GRID1: variants seen among roughly 807,000 people sequenced by gnomAD.
GRID1 encodes the protein glutamate ionotropic receptor delta type subunit 1, also known as glutamate receptor ionotropic, delta-1.
GRID1 carries 28 observed loss-of-function variants against 98.0 expected under a neutral mutation model. The ratio of observed to expected loss-of-function variants is 0.29; its 90% CI spans 0.21 to 0.39. The LOEUF (loss-of-function observed/expected upper bound fraction) is 0.39, where lower values mean the gene tolerates loss of function less well. Ranked by LOEUF, GRID1 falls within the 10% of genes least tolerant of loss-of-function variation. The pLI, the probability that GRID1 is intolerant of heterozygous loss-of-function variation, is 1.00. For missense variants in GRID1, 1,111 were observed against 1,340.5 expected, an observed-to-expected ratio of 0.83 and a Z score of 2.67; for synonymous variants, 553 against 538.5, an observed-to-expected ratio of 1.03 and a Z score of -0.37.
chr10:85,721,078 T>C (rs1028566649), intron 12 of GRID1, among the ~76,000 whole-genome samples: 1 of 151,776 alleles, frequency 6.6e-6, no homozygotes, highest in African/African-American at 2.4e-5. Context: ...ACATAGCAAA[T>C]AAGCACAAAA....
chr10:85,752,410 C>T (rs559020737), intron 8 of GRID1, among the ~76,000 whole-genome samples: 115 of 152,178 alleles, frequency 7.6e-4, no homozygotes, highest in African/African-American at 2.7e-3. Flanking sequence ...CACCAATATA[C>T]GACTGCTTAT....
At chr10:86,225,723 T>A (rs1161733298) in intron 2 of GRID1, among the ~76,000 whole-genome samples, 1 of 151,886 alleles carries the variant, frequency 6.6e-6, no homozygotes, top group Non-Finnish European at 1.5e-5. Flanking sequence ...AACTTAGAGG[T>A]CCCCCAGCTC....
chr10:85,945,725 C>A (rs2131840784), intron 4 of GRID1, among the ~76,000 whole-genome samples: 1 of 152,294 alleles, frequency 6.6e-6, no homozygotes, highest in Non-Finnish European at 1.5e-5. Context: ...TCATAGTTTT[C>A]ATAAGCACTT....
chr10:86,128,442 C>T (rs1844786353), intron 4 of GRID1, among the ~76,000 whole-genome samples: 1 of 152,180 alleles, frequency 6.6e-6, no homozygotes. Flanking sequence ...CAGCTCCTTT[C>T]CCCCAGGCTC....
In GRID1 at chr10:85,995,418, C is replaced by T. The variant is rs79955320; in HGVS notation, c.727-79179G>A. Among the ~76,000 whole-genome samples the T allele has an allele frequency of 6.5e-3, 988 of 152,210 alleles. 12 individuals carry two copies. Among genetic ancestry groups the T allele is most frequent in the African/African-American group, 0.022 (916 of 41,520 alleles). On this transcript the variant is annotated intron_variant, in intron 4 of 15. Transcript: ENST00000327946. ...TTAGGGGTGAGGAAGAGTTTCGGACCCCCACTCACATGACTCCATAAAAAC... is the reference window on the plus strand; with the variant it reads ...TTAGGGGTGAGGAAGAGTTTCGGACTCCCACTCACATGACTCCATAAAAAC...
chr10:86,188,525 C>T (rs1845756647), intron 3 of GRID1, among the ~76,000 whole-genome samples: 1 of 152,212 alleles, frequency 6.6e-6, no homozygotes, highest in South Asian at 2.1e-4. Context: ...AAGACCCACT[C>T]CCTGAGGAAT....
intron 4 of GRID1, among the ~76,000 whole-genome samples, chr10:86,071,737 G>A (rs1843807768): frequency 6.6e-6 from 1 of 152,190 alleles, no homozygotes; most frequent in Non-Finnish European, 1.5e-5. Flanking sequence ...CAGCCTTGAA[G>A]AGCTCATGGT....
intron 4 of GRID1, among the ~76,000 whole-genome samples, chr10:85,978,461 C>A (rs1842502338): frequency 6.6e-6 from 1 of 152,142 alleles, no homozygotes; most frequent in Non-Finnish European, 1.5e-5. Context: ...TTTGTACAAA[C>A]CTAAGCATTA....
intron 3 of GRID1, among the ~76,000 whole-genome samples, chr10:86,157,862 A>G (rs1191340193): frequency 2.6e-5 from 4 of 152,204 alleles, no homozygotes; most frequent in Non-Finnish European, 2.9e-5. Context: ...TATAGGAGAT[A>G]GTAGCCTCCT....
intron 5 of GRID1, among the ~76,000 whole-genome samples, chr10:85,915,948 T>C (rs1161769245): frequency 6.6e-6 from 1 of 152,134 alleles, no homozygotes; most frequent in African/African-American, 2.4e-5. Flanking sequence ...ACCACTGCCC[T>C]CTGACTTTTG....
intron 2 of GRID1, among the ~76,000 whole-genome samples, chr10:86,290,668 T>C (rs865811527): frequency 0.023 from 3,456 of 149,972 alleles, 47 homozygotes; most frequent in Middle Eastern, 0.051. Flanking sequence ...TAAAATAAAA[T>C]AAAATAAAAT....
intron 8 of GRID1, among the ~76,000 whole-genome samples, chr10:85,822,320 A>T (rs374369298): frequency 1.3e-5 from 2 of 152,168 alleles, no homozygotes; most frequent in Non-Finnish European, 2.9e-5. Flanking sequence ...GAATCTACAA[A>T]GAACTCAAAC....
rs1220349244 is a variant in GRID1 at position 86,204,840 on chromosome 10, G to A, written c.520+1524C>T. Among the ~76,000 whole-genome samples, 4 of 152,168 alleles carry A rather than the reference G, an allele frequency of 2.6e-5. No individual in the cohort carries two copies. In the East Asian group the frequency reaches 7.7e-4, roughly 29 times the overall value. On this transcript the variant is annotated intron_variant, in intron 3 of 15. Coordinates refer to ENST00000327946, the MANE Select transcript of GRID1 (RefSeq NM_017551.3). ...CTGGCAGTGTCCATGCCTCTCCACA[G>A]GGTTCAGCCTCAGAGCAGGCTGGAC...
chr10:85,691,906 C>A (rs1406438642), intron 12 of GRID1, among the ~76,000 whole-genome samples: 4 of 152,104 alleles, frequency 2.6e-5, no homozygotes, highest in African/African-American at 9.7e-5. Flanking sequence ...TACCTTGTTT[C>A]CACCTCAGAG....
At chr10:85,913,092 T>G (rs1408003706) in intron 5 of GRID1, among the ~76,000 whole-genome samples, 1 of 152,066 alleles carries the variant, frequency 6.6e-6, no homozygotes, top group African/African-American at 2.4e-5. Flanking sequence ...GGTGCCTGGG[T>G]GAAAGCTTTC....
chr10:86,093,096 A>G (rs1223710524), intron 4 of GRID1, among the ~76,000 whole-genome samples: 1 of 152,216 alleles, frequency 6.6e-6, no homozygotes, highest in Non-Finnish European at 1.5e-5. Context: ...AACCATGCAA[A>G]TCCATAGAAA....
chr10:85,865,166 A>G (rs192563471), intron 6 of GRID1, among the ~76,000 whole-genome samples: 2 of 152,338 alleles, frequency 1.3e-5, no homozygotes, highest in East Asian at 1.9e-4. Context: ...CAAGGAAACA[A>G]GAATCAAAAA....
At chr10:86,051,525 A>C (rs1175555823) in intron 4 of GRID1, among the ~76,000 whole-genome samples, 1 of 152,150 alleles carries the variant, frequency 6.6e-6, no homozygotes, top group Non-Finnish European at 1.5e-5. Flanking sequence ...AGGCAAAAAA[A>C]AAAAATCAAT....
chr10:86,264,072 G>A (rs1847064996), intron 2 of GRID1, among the ~76,000 whole-genome samples: 1 of 152,126 alleles, frequency 6.6e-6, no homozygotes, highest in Non-Finnish European at 1.5e-5. Flanking sequence ...GAGCTCCTGG[G>A]ATGTTCATTC....
Sources: gnomAD v4.1 joint callset for allele counts (sites outside exome capture counted in the v4.1 genomes callset) on GRCh38, gnomAD v4.1.1 for gene constraint, MANE v1.5 for transcripts, NCBI Gene and HGNC (gene_info 2026-07-23, HGNC 2026-07-21) for gene names.